CHRDL1: variants seen among roughly 807,000 people sequenced by gnomAD.
The protein encoded by CHRDL1 is chordin like 1.
A neutral mutation model predicts 40.9 loss-of-function variants in CHRDL1; 19 were observed. The observed-to-expected ratio is 0.46, with a 90% confidence interval of 0.32 to 0.68. The LOEUF (loss-of-function observed/expected upper bound fraction) is 0.68, where lower values mean the gene tolerates loss of function less well. Among genes scored for constraint, CHRDL1 ranks in the 30% least tolerant of loss-of-function variants. The pLI is 0.03. For missense variants in CHRDL1, 329 were observed against 352.1 expected (o/e 0.93, Z 0.53); for synonymous variants, 136 against 123.4 (o/e 1.10, Z -0.68).
intron 3 of CHRDL1, among the ~76,000 whole-genome samples, chrX:110,760,038 C>A (rs1268113608): frequency 8.9e-6 from 1 of 112,012 alleles, no homozygotes; most frequent in Non-Finnish European, 1.9e-5. Context: ...GGCTCCATGG[C>A]ATTTCTACCA....
intron 10 of CHRDL1, among the ~76,000 whole-genome samples, chrX:110,680,931 A>T (rs1450508991): frequency 8.9e-6 from 1 of 111,813 alleles, no homozygotes; most frequent in Non-Finnish European, 1.9e-5. Context: ...TGATGTTTTA[A>T]ATTTGTTTTA....
rs2070051542 is a variant in CHRDL1 at position 110,687,622 on chromosome X, G to C, written c.988+972C>G. On this transcript the variant is annotated intron_variant, in intron 9 of 11. Transcript: ENST00000372042. ...AAGAAATGATAAATTCATGTGCCTG[G>C]GATTGACTAAATCATCGACTCTTCG... Among the ~76,000 whole-genome samples the C allele has an allele frequency of 2.7e-5, 3 of 111,569 alleles. No homozygotes were observed. In the South Asian group the frequency reaches 1.1e-3, roughly 42 times the overall value.
chrX:110,701,986 A>G (rs1046541962), intron 6 of CHRDL1, among the ~76,000 whole-genome samples: 5 of 112,292 alleles, frequency 4.5e-5, no homozygotes, highest in African/African-American at 1.6e-4. Context: ...GTAAATCTTC[A>G]TAATTCAAAT....
At chrX:110,685,059 A>C (rs1022294153) in intron 9 of CHRDL1, among the ~76,000 whole-genome samples, 2 of 112,303 alleles carry the variant, frequency 1.8e-5, no homozygotes, top group Non-Finnish European at 1.9e-5. Context: ...GCAGTTTTTT[A>C]CATGATAAAT....
At chrX:110,742,727 T>C (rs1012504889) in intron 4 of CHRDL1, among the ~76,000 whole-genome samples, 24 of 111,930 alleles carry the variant, frequency 2.1e-4, no homozygotes, top group African/African-American at 6.2e-4. Flanking sequence ...CAAGGAGACC[T>C]GGGTTCCAGG....
intron 4 of CHRDL1, among the ~76,000 whole-genome samples, chrX:110,721,995 C>T (rs897779112): frequency 2.6e-4 from 29 of 111,772 alleles, no homozygotes; most frequent in African/African-American, 9.4e-4. Flanking sequence ...TAACTTTATT[C>T]CCTCCCACAT....
In CHRDL1 at chrX:110,778,871, G is replaced by A. The variant is rs1465713389; in HGVS notation, c.94+13217C>T. ...TCTAAATGTCCATCAACAGTAGACTGGATAAATAAAATGTGCACATATACA... is the reference window on the plus strand; with the variant it reads ...TCTAAATGTCCATCAACAGTAGACTAGATAAATAAAATGTGCACATATACA... On this transcript the variant is annotated intron_variant, in intron 2 of 11. Transcript: ENST00000372042. Among the ~76,000 whole-genome samples, 3 of 111,670 alleles carry A rather than the reference G, an allele frequency of 2.7e-5. No homozygotes were observed. The East Asian group carries it at 8.4e-4, about 31-fold the overall frequency.
At chrX:110,734,574 G>T in intron 4 of CHRDL1, among the ~76,000 whole-genome samples, 1 of 112,013 alleles carries the variant, frequency 8.9e-6, no homozygotes, top group Middle Eastern at 4.2e-3. Flanking sequence ...GAGGCCCAGA[G>T]ATGCCAAGGG....
At position 110,721,477 on chromosome X, in the gene CHRDL1, T is replaced by C. The variant is rs987024631; in HGVS notation, c.355A>G (p.Asn119Asp). The C allele has an allele frequency of 1.7e-6, 2 of 1,208,318 alleles. No homozygotes were observed. The highest frequency in any genetic ancestry group is 3.5e-5 in the African/African-American group (2 of 57,727). Reference sequence around the variant, plus strand: ...TCTCCATGTTGGTAAGTTGTCCCATTGTACTCGCAAGACTTGCTGGTCACC... The same window carrying C: ...TCTCCATGTTGGTAAGTTGTCCCATCGTACTCGCAAGACTTGCTGGTCACC... ...NKVTSKSCEY[N>D]GTTYQHGELF... Residue 119 changes from asparagine to aspartate, a missense_variant, in exon 5 of 12, where the codon AAT becomes GAT. Coordinates refer to ENST00000372042, the MANE Select transcript of CHRDL1 (RefSeq NM_001143981.2).
intron 4 of CHRDL1, among the ~76,000 whole-genome samples, chrX:110,722,311 A>C (rs1342271558): frequency 9.1e-6 from 1 of 110,278 alleles, no homozygotes; most frequent in Non-Finnish European, 1.9e-5. Flanking sequence ...CCTACATTTT[A>C]AATCACTTTT....
At chrX:110,777,131 G>A (rs1208741882) in intron 2 of CHRDL1, among the ~76,000 whole-genome samples, 1 of 110,995 alleles carries the variant, frequency 9.0e-6, no homozygotes, top group Non-Finnish European at 1.9e-5. Context: ...CTTTCACTTA[G>A]TAATATGCAT....
chrX:110,782,663 A>G (rs968465913), intron 2 of CHRDL1, among the ~76,000 whole-genome samples: 1 of 112,829 alleles, frequency 8.9e-6, no homozygotes, highest in Non-Finnish European at 1.9e-5. Flanking sequence ...TTGTATTTAC[A>G]TCAGTGACAA....
chrX:110,677,383 G>A (rs1764393767), intron 11 of CHRDL1, among the ~76,000 whole-genome samples: 1 of 111,487 alleles, frequency 9.0e-6, no homozygotes, highest in Non-Finnish European at 1.9e-5. Flanking sequence ...ATATAAAAGA[G>A]TTGGGTTTGT....
At chrX:110,735,483 G>A (rs770537625) in intron 4 of CHRDL1, among the ~76,000 whole-genome samples, 9 of 111,779 alleles carry the variant, frequency 8.1e-5, no homozygotes, top group South Asian at 3.8e-4. Flanking sequence ...CTGGATATTC[G>A]CCATCTCATG....
At chrX:110,680,601 T>C (rs1017608591) in intron 10 of CHRDL1, among the ~76,000 whole-genome samples, 1 of 111,972 alleles carries the variant, frequency 8.9e-6, no homozygotes, top group Non-Finnish European at 1.9e-5. Context: ...TGGGGCCAGG[T>C]ATCTGCATTT....
chrX:110,764,301 A>G (rs1476961280), intron 2 of CHRDL1, among the ~76,000 whole-genome samples: 1 of 112,056 alleles, frequency 8.9e-6, no homozygotes, highest in African/African-American at 3.2e-5. Context: ...GTTTTTGGTC[A>G]TGAAATCCTT....
chrX:110,704,346 G>T (rs1438879040), intron 6 of CHRDL1, among the ~76,000 whole-genome samples: 1 of 111,767 alleles, frequency 8.9e-6, no homozygotes, highest in East Asian at 2.8e-4. Flanking sequence ...GTAAAAGGCT[G>T]AAGAATTCAC....
intron 6 of CHRDL1, among the ~76,000 whole-genome samples, chrX:110,702,237 T>G (rs762879453): frequency 5.4e-5 from 6 of 111,362 alleles, no homozygotes; most frequent in Non-Finnish European, 9.4e-5. Context: ...CTCCCATTGT[T>G]GCTTCCGTGC....
chrX:110,768,563 C>CAGGTAGAAGA lies in CHRDL1; in HGVS notation c.95-5766_95-5757dup, dbSNP rs2089701991. Among the ~76,000 whole-genome samples the CAGGTAGAAGA allele has an allele frequency of 2.7e-5, 3 of 111,091 alleles. No individual in the cohort carries two copies. In the South Asian group the frequency reaches 1.2e-3, roughly 43 times the overall value. ...TTGCTGCCAGCAAGGCCAGAAAAAG[C>CAGGTAGAAGA]AGGTAGAAGAAGGTGGAAGAAGCTG... On this transcript the variant is annotated intron_variant, in intron 2 of 11. Coordinates refer to ENST00000372042, the MANE Select transcript of CHRDL1 (RefSeq NM_001143981.2).
Sources: gnomAD v4.1 joint callset for allele counts (sites outside exome capture counted in the v4.1 genomes callset) on GRCh38, gnomAD v4.1.1 for gene constraint, MANE v1.5 for transcripts, NCBI Gene and HGNC (gene_info 2026-07-23, HGNC 2026-07-21) for gene names.